The following ZRANB3 variants were observed in gnomAD, a reference collection of about 807,000 sequenced individuals.
ZRANB3 encodes DNA annealing helicase and endonuclease ZRANB3.
In ZRANB3, 125 loss-of-function variants were observed where a neutral mutation model predicts 133.8. The ratio of observed to expected loss-of-function variants is 0.93; its 90% confidence interval spans 0.81 to 1.08. The LOEUF (loss-of-function observed/expected upper bound fraction) is 1.08, where lower values mean the gene tolerates loss of function less well. Among genes scored for constraint, ZRANB3 ranks in the 50% least tolerant of loss-of-function variants. The probability of loss-of-function intolerance (pLI) is 0.00; values close to 1 mark genes in which losing one functional copy is unlikely to be tolerated. For synonymous variants in ZRANB3, 387 were observed against 432.7 expected (o/e 0.89, Z 1.31); for missense variants, 1,229 against 1,275.5 (o/e 0.96, Z 0.56).
intron 1 of ZRANB3, among the ~76,000 whole-genome samples, chr2:135,515,449 C>T (rs576789596): frequency 4.6e-5 from 7 of 152,298 alleles, no homozygotes; most frequent in African/African-American, 1.7e-4. Flanking sequence ...CTACACACTG[C>T]TTTAGCTGTG....
At chr2:135,317,920 A>G (rs1158555897) in intron 6 of ZRANB3, among the ~76,000 whole-genome samples, 1 of 152,104 alleles carries the variant, frequency 6.6e-6, no homozygotes, top group East Asian at 1.9e-4. Context: ...AGTGGTGACA[A>G]TAACACATTT....
intron 2 of ZRANB3, among the ~76,000 whole-genome samples, chr2:135,499,794 C>T (rs1405313953): frequency 6.6e-6 from 1 of 152,096 alleles, no homozygotes; most frequent in East Asian, 1.9e-4. Context: ...AAATGTTTAG[C>T]AGTGGTATGG....
At chr2:135,204,960 A>G (rs1693799235) in intron 19 of ZRANB3, among the ~76,000 whole-genome samples, 1 of 151,882 alleles carries the variant, frequency 6.6e-6, no homozygotes, top group South Asian at 2.1e-4. Flanking sequence ...GGAAGCCATC[A>G]TGCTGAAACA....
At chr2:135,511,553 A>G in intron 1 of ZRANB3, 1 of 1,019,372 alleles carries the variant, frequency 9.8e-7, no homozygotes, top group Non-Finnish European at 1.6e-6. Flanking sequence ...TGCTATCTGA[A>G]GATATCATTG....
chr2:135,212,630 T>C (rs1056535699), intron 17 of ZRANB3, among the ~76,000 whole-genome samples: 1 of 152,232 alleles, frequency 6.6e-6, no homozygotes, highest in African/African-American at 2.4e-5. Flanking sequence ...CTTAATTTTC[T>C]ACTGAGGTTT....
intron 2 of ZRANB3, among the ~76,000 whole-genome samples, chr2:135,392,334 T>G (rs947049052): frequency 1.7e-5 from 1 of 58,604 alleles, no homozygotes; most frequent in Non-Finnish European, 2.7e-5. Flanking sequence ...CAAAACAAAA[T>G]GAAAATACAA....
At chr2:135,324,484 T>G (rs1573911573) in intron 6 of ZRANB3, among the ~76,000 whole-genome samples, 1 of 152,192 alleles carries the variant, frequency 6.6e-6, no homozygotes, top group African/African-American at 2.4e-5. Flanking sequence ...TCTATCATTG[T>G]TGGACATTTG....
chr2:135,435,706 C>G (rs1375720684), intron 2 of ZRANB3, among the ~76,000 whole-genome samples: 1 of 152,150 alleles, frequency 6.6e-6, no homozygotes, highest in African/African-American at 2.4e-5. Context: ...GAGATGGTAT[C>G]TCACTGTGGC....
chr2:135,490,375 T>C (rs750758538), intron 2 of ZRANB3, among the ~76,000 whole-genome samples: 10 of 152,118 alleles, frequency 6.6e-5, no homozygotes, highest in Non-Finnish European at 1.2e-4. Context: ...AAGGAAGATA[T>C]ATAAACTGCC....
intron 6 of ZRANB3, among the ~76,000 whole-genome samples, chr2:135,324,328 GAT>G (rs1268792910): frequency 1.3e-5 from 2 of 151,086 alleles, no homozygotes; most frequent in Non-Finnish European, 2.9e-5. Flanking sequence ...GAGAATATGC[GAT>G]GTTTGGTTTT....
At chr2:135,312,553 A>T (rs1683048316) in intron 8 of ZRANB3, among the ~76,000 whole-genome samples, 1 of 152,120 alleles carries the variant, frequency 6.6e-6, no homozygotes, top group Non-Finnish European at 1.5e-5. Context: ...AGTTACACTA[A>T]TTTTACTAAA....
intron 2 of ZRANB3, among the ~76,000 whole-genome samples, chr2:135,398,520 A>C (rs1352726555): frequency 2.7e-4 from 29 of 105,912 alleles, no homozygotes; most frequent in African/African-American, 8.7e-4. Context: ...TTCTTTTGTC[A>C]CTTTTTTTTT....
At chr2:135,466,948 C>A (rs532530703) in intron 2 of ZRANB3, among the ~76,000 whole-genome samples, 1 of 152,072 alleles carries the variant, frequency 6.6e-6, no homozygotes, top group African/African-American at 2.4e-5. Context: ...CGTGAGCTAC[C>A]GCGCCTGGCT....
intron 3 of ZRANB3, among the ~76,000 whole-genome samples, chr2:135,385,235 C>T (rs543069792): frequency 1.3e-5 from 2 of 152,096 alleles, no homozygotes; most frequent in Non-Finnish European, 2.9e-5. Flanking sequence ...TGAACTCCCA[C>T]TCACAATTGC....
Position 135,227,816 on chromosome 2 carries a change from A to C in ZRANB3, c.2154T>G (p.Gly718=), listed in dbSNP as rs754885188. 4 of 1,569,838 alleles carry C rather than the reference A, an allele frequency of 2.5e-6. No individual in the cohort carries two copies. The highest frequency in any genetic ancestry group is 2.6e-6 in the Non-Finnish European group (3 of 1,155,428). Residue 718 remains glycine, a synonymous_variant, in exon 14 of 21, where the codon GGT becomes GGG. Coordinates refer to ENST00000264159, the MANE Select transcript of ZRANB3 (RefSeq NM_032143.4). ...EKEDGLTSQP[G]NEQWKSSDTL... ...AGAAATGGAAACAAGACTTACCATTACCTGGCTGGGATGTAAGTCCGTCTT... is the reference window on the plus strand; with the variant it reads ...AGAAATGGAAACAAGACTTACCATTCCCTGGCTGGGATGTAAGTCCGTCTT...
At position 135,472,782 on chromosome 2, in the gene ZRANB3, T is replaced by C. The variant is rs191652286; in HGVS notation, c.161+31547A>G. Among the ~76,000 whole-genome samples the C allele has an allele frequency of 7.2e-5, 11 of 152,242 alleles. No homozygotes were observed. In the East Asian group the frequency reaches 9.7e-4, roughly 13 times the overall value. On this transcript the variant is annotated intron_variant, in intron 2 of 20. Coordinates refer to ENST00000264159, the MANE Select transcript of ZRANB3 (RefSeq NM_032143.4). ...AGTCTTATACCTCAGACAAATTACA[T>C]TGAGAGTTGAACAAACAGGAGGCTG...
At chr2:135,423,695 A>T (rs1688959691) in intron 2 of ZRANB3, among the ~76,000 whole-genome samples, 1 of 152,288 alleles carries the variant, frequency 6.6e-6, no homozygotes, top group South Asian at 2.1e-4. Context: ...ATGAACTGAA[A>T]ATAGGAGAAA....
At chr2:135,228,258 T>A (rs919083008) in intron 13 of ZRANB3, 1 of 321,194 alleles carries the variant, frequency 3.1e-6, no homozygotes, top group Non-Finnish European at 5.6e-6. Flanking sequence ...GACAATAAAA[T>A]TAACAAATAG....
At chr2:135,293,236 G>A (rs1430305787) in intron 8 of ZRANB3, among the ~76,000 whole-genome samples, 6 of 152,114 alleles carry the variant, frequency 3.9e-5, no homozygotes, top group Non-Finnish European at 7.4e-5. Flanking sequence ...AGCATGGAAT[G>A]TTCTTCCATT....
Sources: gnomAD v4.1 joint callset for allele counts (sites outside exome capture counted in the v4.1 genomes callset) on GRCh38, gnomAD v4.1.1 for gene constraint, MANE v1.5 for transcripts, NCBI Gene and HGNC (gene_info 2026-07-23, HGNC 2026-07-21) for gene names.